Variants in STK32B observed in about 807,000 individuals in gnomAD.
STK32B encodes serine/threonine kinase 32B.
In STK32B, 43 loss-of-function variants were observed where a neutral mutation model predicts 52.6. The ratio of observed to expected loss-of-function variants is 0.82; its 90% CI spans 0.64 to 1.05. STK32B has a LOEUF of 1.05. STK32B is among the 50% of genes least tolerant of loss of function. The pLI, the probability that STK32B is intolerant of heterozygous loss-of-function variation, is 0.00. For missense variants in STK32B, 621 were observed against 534.6 expected (o/e 1.16, Z -1.59); for synonymous variants, 238 against 204.3 (o/e 1.17, Z -1.41).
intron 2 of STK32B, among the ~76,000 whole-genome samples, chr4:5,155,985 CTACAT>C (rs1560182938): frequency 6.6e-6 from 1 of 151,932 alleles, no homozygotes; most frequent in African/African-American, 2.4e-5. Flanking sequence ...ATATACCTCT[CTACAT>C]AATATATATA....
At chr4:5,251,098 T>C (rs1725896520) in intron 3 of STK32B, among the ~76,000 whole-genome samples, 1 of 152,194 alleles carries the variant, frequency 6.6e-6, no homozygotes, top group Non-Finnish European at 1.5e-5. Flanking sequence ...TTTGTTGCAA[T>C]TGCTTTTGGC....
intron 4 of STK32B, among the ~76,000 whole-genome samples, chr4:5,334,449 C>G (rs1732490385): frequency 6.6e-6 from 1 of 152,112 alleles, no homozygotes; most frequent in Non-Finnish European, 1.5e-5. Context: ...ATCCTCTTTT[C>G]CTAATTGAAT....
chr4:5,353,293 A>C (rs919787426), intron 4 of STK32B, among the ~76,000 whole-genome samples: 1 of 152,162 alleles, frequency 6.6e-6, no homozygotes. Context: ...AATAAACTAT[A>C]AAACTACTGG....
chr4:5,452,871 C>T (rs758627739), intron 7 of STK32B, among the ~76,000 whole-genome samples: 3 of 152,006 alleles, frequency 2.0e-5, no homozygotes, highest in Non-Finnish European at 4.4e-5. Flanking sequence ...TTGCTTTTAC[C>T]AGCAGTACAT....
chr4:5,449,827 G>T (rs766890292), intron 7 of STK32B, among the ~76,000 whole-genome samples: 1 of 152,172 alleles, frequency 6.6e-6, no homozygotes, highest in African/African-American at 2.4e-5. Context: ...TCTAATGCCT[G>T]ATGATCTGTC....
At position 5,150,751 on chromosome 4, in the gene STK32B, T is replaced by C. The variant is rs114472028; in HGVS notation, c.108+10791T>C. ...CTCTTGGATTTCTCCTCTTGGATAC[T>C]CTTGGATTTCTCAGAAAGAGTTGTA... On this transcript the variant is annotated intron_variant, in intron 2 of 11. Transcript: ENST00000282908. Among the ~76,000 whole-genome samples the C allele has an allele frequency of 4.0e-3, 616 of 152,340 alleles. 2 individuals are homozygous for C. The highest frequency in any genetic ancestry group is 0.014 in the African/African-American group (589 of 41,582).
At chr4:5,480,466 A>C (rs1198181080) in intron 11 of STK32B, among the ~76,000 whole-genome samples, 1 of 152,208 alleles carries the variant, frequency 6.6e-6, no homozygotes, top group Non-Finnish European at 1.5e-5. Flanking sequence ...GGGAGCTTTC[A>C]GGCTATAGGT....
chr4:5,306,404 T>C (rs905120611), intron 3 of STK32B, among the ~76,000 whole-genome samples: 8 of 152,184 alleles, frequency 5.3e-5, no homozygotes, highest in Non-Finnish European at 1.0e-4. Flanking sequence ...GGTTCACATA[T>C]ATTTAGGAAT....
chr4:5,398,139 G>A lies in STK32B; in HGVS notation c.435-68G>A. On this transcript the variant is annotated intron_variant, in intron 4 of 11. Coordinates refer to ENST00000282908, the MANE Select transcript of STK32B (RefSeq NM_018401.3). The surrounding 1 kb of genome is among the most constrained non-coding windows in gnomAD (Gnocchi z 4.9). ...GTGTTCCAGCATTTGTCCTGATGTG[G>A]TGCTTGTCTATGTGCTCATCTGTGG... The A allele has an allele frequency of 1.9e-6, 3 of 1,582,990 alleles. No individual in the cohort carries two copies. Among genetic ancestry groups the A allele is most frequent in the South Asian group, 1.1e-5 (1 of 87,970 alleles).
intron 4 of STK32B, among the ~76,000 whole-genome samples, chr4:5,391,010 C>T (rs1185078408): frequency 6.8e-6 from 1 of 146,098 alleles, no homozygotes; most frequent in African/African-American, 2.6e-5. Context: ...CTGTTGCCCA[C>T]GCTGGAGTGC....
chr4:5,208,146 G>A (rs553108871), intron 3 of STK32B, among the ~76,000 whole-genome samples: 3 of 152,196 alleles, frequency 2.0e-5, no homozygotes, highest in Admixed American at 6.5e-5. Context: ...ATTCAGGATT[G>A]TAGGTTGATG....
intron 11 of STK32B, among the ~76,000 whole-genome samples, chr4:5,472,335 C>G (rs1027619212): frequency 2.0e-5 from 3 of 152,210 alleles, no homozygotes; most frequent in African/African-American, 7.2e-5. Context: ...GCTAACCTCT[C>G]TGGACCTTTG....
chr4:5,079,823 A>G (rs192485945), intron 1 of STK32B, among the ~76,000 whole-genome samples: 3 of 152,312 alleles, frequency 2.0e-5, no homozygotes, highest in Non-Finnish European at 2.9e-5. Flanking sequence ...AACATGAATG[A>G]AACTGATGGA....
At chr4:5,223,075 G>T (rs540772850) in intron 3 of STK32B, among the ~76,000 whole-genome samples, 3 of 152,278 alleles carry the variant, frequency 2.0e-5, no homozygotes, top group Admixed American at 2.0e-4. Flanking sequence ...CCACATTCTT[G>T]TACAGCACTC....
chr4:5,236,072 G>C (rs916125962), intron 3 of STK32B, among the ~76,000 whole-genome samples: 15 of 152,158 alleles, frequency 9.9e-5, no homozygotes, highest in Non-Finnish European at 4.4e-5. Context: ...GGGAGCATCT[G>C]GACTCTTACT....
In STK32B at chr4:5,416,928, T is replaced by A. The variant is rs760601120; in HGVS notation, c.556T>A (p.Tyr186Asn). 2 of 1,612,620 alleles carry A rather than the reference T, an allele frequency of 1.2e-6. No homozygotes were observed. Among genetic ancestry groups the A allele is most frequent in the Non-Finnish European group, 1.7e-6 (2 of 1,179,350 alleles). ...TTCCTCCATGGCTGGCACCAAGCCC[T>A]ACATGGGTGAGTGTTCCAGGCCCCT... Reference protein sequence around the residue: ...RASSMAGTKPYMAPEVFQVYM... With the variant: ...RASSMAGTKPNMAPEVFQVYM... The change falls in exon 6 of 12, where the codon TAC becomes AAC. Residue 186 changes from tyrosine to asparagine, a missense_variant. Transcript: ENST00000282908.
intron 3 of STK32B, among the ~76,000 whole-genome samples, chr4:5,259,623 T>A (rs1213206932): frequency 4.6e-5 from 7 of 152,166 alleles, no homozygotes. Flanking sequence ...AGACACACAG[T>A]AAATGCTCAG....
chr4:5,182,498 G>C (rs1336158286), intron 3 of STK32B, among the ~76,000 whole-genome samples: 1 of 151,290 alleles, frequency 6.6e-6, no homozygotes, highest in Non-Finnish European at 1.5e-5. Flanking sequence ...GTCTCGCACT[G>C]TTGCCCAGGG....
chr4:5,109,392 G>A (rs145843548), intron 1 of STK32B, among the ~76,000 whole-genome samples: 15 of 152,238 alleles, frequency 9.9e-5, no homozygotes, highest in African/African-American at 3.6e-4. Context: ...ACAGACAGTG[G>A]AGCTAACAAA....
Sources: allele counts gnomAD v4.1 joint callset (sites outside exome capture counted in the v4.1 genomes callset), GRCh38; gene constraint gnomAD v4.1.1; non-coding constraint Gnocchi (gnomAD v3.1); transcripts MANE v1.5; gene names NCBI Gene and HGNC (gene_info 2026-07-23, HGNC 2026-07-21).